The following CLCA2 variants were observed in gnomAD, a reference collection of about 807,000 sequenced individuals.
The protein encoded by CLCA2 is calcium-activated chloride channel regulator 2.
In CLCA2, 85 loss-of-function variants were observed where a neutral mutation model predicts 82.9. The observed-to-expected ratio is 1.03, with a 90% CI of 0.86 to 1.23. The LOEUF (loss-of-function observed/expected upper bound fraction) is 1.23. CLCA2 is among the 50% of genes most tolerant of loss of function. The pLI is 0.00. For missense variants in CLCA2, 1,089 were observed against 1,124.8 expected, an observed-to-expected ratio of 0.97 and a Z score of 0.45; for synonymous variants, 421 against 391.7, an observed-to-expected ratio of 1.07 and a Z score of -0.88.
chr1:86,447,459 G>C (rs376421367), intron 10 of CLCA2, 49 bp from the exon 11 acceptor site: 1 of 1,573,954 alleles, frequency 6.4e-7, no homozygotes, highest in Non-Finnish European at 8.7e-7. Flanking sequence ...TTAAAATTAG[G>C]GTTGATTTTT....
At chr1:86,444,610 G>T (rs1274177639) in intron 10 of CLCA2, among the ~76,000 whole-genome samples, 1 of 152,180 alleles carries the variant, frequency 6.6e-6, no homozygotes, top group South Asian at 2.1e-4. Context: ...AAAGAACATG[G>T]CTGTTCATAG....
chr1:86,434,213 T>A (rs1285869746), intron 5 of CLCA2, among the ~76,000 whole-genome samples: 2 of 151,982 alleles, frequency 1.3e-5, no homozygotes, highest in African/African-American at 2.4e-5. Flanking sequence ...GGGAGATTGT[T>A]TTGTTTTGTT....
At chr1:86,453,671 G>A in intron 13 of CLCA2, 69 bp downstream of exon 13, 5 of 1,322,524 alleles carry the variant, frequency 3.8e-6, no homozygotes, top group African/African-American at 1.5e-5. Flanking sequence ...TCAGGGGCTA[G>A]TAGAACTGAA....
intron 13 of CLCA2, 87 bp downstream of exon 13, chr1:86,453,689 C>T: frequency 8.5e-7 from 1 of 1,170,090 alleles, no homozygotes; most frequent in African/African-American, 1.5e-5. Flanking sequence ...GAAAAAGGTA[C>T]AGAGGATTGT....
At chr1:86,427,600 AGTG>A (rs1662414651) in intron 2 of CLCA2, among the ~76,000 whole-genome samples, 1 of 152,024 alleles carries the variant, frequency 6.6e-6, no homozygotes, top group Non-Finnish European at 1.5e-5. Context: ...TTGTACATAG[AGTG>A]ATAATTGTGT....
chr1:86,432,521 T>C lies in CLCA2; in HGVS notation c.737T>C (p.Leu246Ser). Residue 246 changes from leucine (L) to serine (S), a missense_variant, in exon 5 of 14, where the codon TTA becomes TCA. Transcript: ENST00000370565. ...ATASIMFMQSLSSVVEFCNAS... is the reference protein window; with the variant it reads ...ATASIMFMQSSSSVVEFCNAS... ...GCATCAATAATGTTCATGCAAAGTTTATCTTCTGTAAGTATGCCCTTGGAA... is the reference window on the plus strand; with the variant it reads ...GCATCAATAATGTTCATGCAAAGTTCATCTTCTGTAAGTATGCCCTTGGAA... 2 of 1,613,664 alleles carry C rather than the reference T, an allele frequency of 1.2e-6. No individual in the cohort carries two copies. Among genetic ancestry groups the C allele is most frequent in the Non-Finnish European group, 1.7e-6 (2 of 1,179,838 alleles).
chr1:86,438,564 C>A (rs1662659624), intron 6 of CLCA2, among the ~76,000 whole-genome samples: 1 of 152,116 alleles, frequency 6.6e-6, no homozygotes, highest in South Asian at 2.1e-4. Flanking sequence ...TTCGTCTCAG[C>A]TGGGTTCATG....
At chr1:86,425,507 C>G (rs1261131269) in intron 2 of CLCA2, 31 bp downstream of exon 2, 1 of 1,474,784 alleles carries the variant, frequency 6.8e-7, no homozygotes, top group South Asian at 1.4e-5. Context: ...TCAATGATCT[C>G]AAGGGGAAAA....
At position 86,434,842 on chromosome 1, in the gene CLCA2, G is replaced by A. The variant is rs1403215303; in HGVS notation, c.972+97G>A. 1.4e-5 allele frequency: 14 copies of A among 998,720 alleles called. No homozygotes were observed. The East Asian group carries it at 3.6e-4, about 26-fold the overall frequency. The allele number at this position is 998,720 out of a possible 1,614,324, so 61.9% of individuals were successfully genotyped here. On this transcript the variant is annotated intron_variant, in intron 6 of 13. Coordinates refer to ENST00000370565, the MANE Select transcript of CLCA2 (RefSeq NM_006536.7). The stretch of plus-strand genomic sequence containing the variant: ...TTTTAAGTTCTGGGGTACATGTGCA[G>A]GACGTTCAAGTTTGTTACACAGGTA...
chr1:86,447,529 CT>C lies in CLCA2; in HGVS notation c.1736del (p.Leu579ArgfsTer11). The C allele has an allele frequency of 1.2e-6, 2 of 1,614,082 alleles. No individual in the cohort carries two copies. Reference sequence around the variant, plus strand: ...ACAGCCTGGGCACTGGACTTACACCCTGAACAATACCCATCATTCTCTGCAA... The same window carrying C: ...ACAGCCTGGGCACTGGACTTACACCCGAACAATACCCATCATTCTCTGCAA... Reference protein sequence around the residue: ...TAKPGHWTYTLNNTHHSLQAL... With the variant: ...TAKPGHWTYTXNNTHHSLQAL... On this transcript the variant is annotated frameshift_variant, in exon 11 of 14. Coordinates refer to ENST00000370565, the MANE Select transcript of CLCA2 (RefSeq NM_006536.7). LOFTEE classifies it high-confidence loss of function.
chr1:86,440,258 A>C lies in CLCA2; in HGVS notation c.1314A>C (p.Ser438=). ...NCLPTVLSSG[S]TIHSIALGSS... is the part of the protein sequence containing the mutation. ...TACCCACTGTGCTCAGCAGTGGTTC[A>C]ACAATTCACTCCATTGCCCTGGGTT... Residue 438 remains serine (S), a synonymous_variant, in exon 8 of 14, where the codon TCA becomes TCC. Coordinates refer to ENST00000370565, the MANE Select transcript of CLCA2 (RefSeq NM_006536.7). The C allele has an allele frequency of 6.2e-7, 1 of 1,614,120 alleles. No homozygotes were observed. Among genetic ancestry groups the C allele is most frequent in the Non-Finnish European group, 8.5e-7 (1 of 1,179,998 alleles).
intron 2 of CLCA2, among the ~76,000 whole-genome samples, chr1:86,427,069 G>A (rs890014988): frequency 1.3e-5 from 2 of 152,114 alleles, no homozygotes; most frequent in African/African-American, 2.4e-5. Context: ...ACGGGACCAC[G>A]CTAGGCACTT....
In CLCA2 at chr1:86,447,586, T is replaced by G. The variant is rs774439803; in HGVS notation, c.1792T>G (p.Ser598Ala). 2.5e-6 allele frequency: 4 copies of G among 1,614,092 alleles called. No individual in the cohort carries two copies. The South Asian group carries it at 4.4e-5, about 18-fold the overall frequency. The change falls in exon 11 of 14, where the codon TCC becomes GCC. Residue 598 changes from serine (S) to alanine (A), a missense_variant. Physicochemically the swap from Ser to Ala is moderately conservative, Grantham distance 99. Transcript: ENST00000370565. ...GAAAGTGACAGTGACCTCTCGCGCCTCCAACTCAGCTGTGCCCCCAGCCAC... is the reference window on the plus strand; with the variant it reads ...GAAAGTGACAGTGACCTCTCGCGCCGCCAACTCAGCTGTGCCCCCAGCCAC... ...ALKVTVTSRA[S>A]NSAVPPATVE... is the part of the protein sequence containing the mutation.
intron 2 of CLCA2, among the ~76,000 whole-genome samples, chr1:86,426,819 T>A (rs1175811114): frequency 1.3e-5 from 2 of 152,102 alleles, no homozygotes; most frequent in Non-Finnish European, 2.9e-5. Context: ...ATTTAATGCA[T>A]CTATTGGGCC....
At chr1:86,449,267 A>G (rs1266955964) in intron 11 of CLCA2, among the ~76,000 whole-genome samples, 2 of 152,232 alleles carry the variant, frequency 1.3e-5, no homozygotes, top group African/African-American at 2.4e-5. Context: ...ACCCTGCAAG[A>G]TAAGTTATCT....
At chr1:86,451,277 T>C (rs1222248388) in intron 12 of CLCA2, among the ~76,000 whole-genome samples, 1 of 152,172 alleles carries the variant, frequency 6.6e-6, no homozygotes, top group African/African-American at 2.4e-5. Flanking sequence ...ATTATAATAG[T>C]TCCTGATAGG....
chr1:86,427,718 TC>T (rs1399565895), intron 2 of CLCA2, among the ~76,000 whole-genome samples: 1 of 152,120 alleles, frequency 6.6e-6, no homozygotes, highest in Non-Finnish European at 1.5e-5. Context: ...TCATCTTTCT[TC>T]CCAAAAATAA....
intron 12 of CLCA2, among the ~76,000 whole-genome samples, chr1:86,452,562 C>T (rs1235420149): frequency 6.6e-6 from 1 of 152,178 alleles, no homozygotes; most frequent in East Asian, 1.9e-4. Context: ...ACTCTCCTTG[C>T]TTTTAATTTA....
intron 1 of CLCA2, among the ~76,000 whole-genome samples, chr1:86,424,799 G>T (rs1319583269): frequency 6.6e-6 from 1 of 152,194 alleles, no homozygotes; most frequent in Non-Finnish European, 1.5e-5. Context: ...GAGCATGCTT[G>T]TTAAAATCAT....
Sources: gnomAD v4.1 joint callset for allele counts (sites outside exome capture counted in the v4.1 genomes callset) on GRCh38, gnomAD v4.1.1 for gene constraint, MANE v1.5 for transcripts, NCBI Gene and HGNC (gene_info 2026-07-23, HGNC 2026-07-21) for gene names.